The following IMMP1L variants were observed in gnomAD, a reference collection of about 807,000 sequenced individuals.
IMMP1L encodes the protein inner mitochondrial membrane peptidase subunit 1, also known as mitochondrial inner membrane protease subunit 1.
In IMMP1L, 24 loss-of-function variants were observed where a neutral mutation model predicts 21.8. The observed-to-expected ratio is 1.10, with a 90% confidence interval of 0.80 to 1.55. The LOEUF is 1.55. Among genes scored for constraint, IMMP1L ranks in the 40% most tolerant of loss-of-function variants. The pLI is 0.00. For missense variants in IMMP1L, 195 were observed against 200.7 expected (o/e 0.97, Z 0.17); for synonymous variants, 46 against 62.8 (o/e 0.73, Z 1.26).
chr11:31,460,178 T>A (rs951141118), intron 3 of IMMP1L, among the ~76,000 whole-genome samples: 6 of 151,860 alleles, frequency 4.0e-5, no homozygotes, highest in African/African-American at 9.7e-5. Flanking sequence ...TCAGAAAATT[T>A]AAAAAAATAA....
intron 4 of IMMP1L, among the ~76,000 whole-genome samples, chr11:31,436,353 C>G (rs181061447): frequency 6.6e-6 from 1 of 152,272 alleles, no homozygotes; most frequent in Admixed American, 6.5e-5. Flanking sequence ...TTTGAAAGCA[C>G]AATGATAACT....
chr11:31,497,391 T>A (rs903080979), intron 1 of IMMP1L, among the ~76,000 whole-genome samples: 3 of 151,900 alleles, frequency 2.0e-5, no homozygotes, highest in African/African-American at 7.3e-5. Flanking sequence ...GAGAGTAGAA[T>A]ACAGGTTATT....
At chr11:31,487,692 C>G (rs1009205665) in intron 1 of IMMP1L, among the ~76,000 whole-genome samples, 8 of 152,030 alleles carry the variant, frequency 5.3e-5, no homozygotes, top group African/African-American at 1.7e-4. Flanking sequence ...GAAATTATTA[C>G]AGAACATTTA....
intron 4 of IMMP1L, among the ~76,000 whole-genome samples, chr11:31,453,905 G>A (rs1271368608): frequency 1.3e-5 from 2 of 152,096 alleles, no homozygotes; most frequent in Non-Finnish European, 2.9e-5. Flanking sequence ...AAGTAGTAGT[G>A]GCATCGTGAG....
chr11:31,502,920 C>T (rs1366787269), intron 1 of IMMP1L, among the ~76,000 whole-genome samples: 1 of 152,192 alleles, frequency 6.6e-6, no homozygotes, highest in Admixed American at 6.5e-5. Flanking sequence ...GACAGATTTA[C>T]TTGACAAATC....
chr11:31,441,566 A>G (rs1451405839), intron 4 of IMMP1L, among the ~76,000 whole-genome samples: 2 of 152,124 alleles, frequency 1.3e-5, no homozygotes, highest in Non-Finnish European at 2.9e-5. Context: ...CTTTCCTGAT[A>G]TGGAATGAGG....
At chr11:31,489,971 A>G (rs1007459588) in intron 1 of IMMP1L, among the ~76,000 whole-genome samples, 2 of 152,208 alleles carry the variant, frequency 1.3e-5, no homozygotes, top group Admixed American at 1.3e-4. Context: ...ATGTTTTTAA[A>G]TTCGATCTTG....
At chr11:31,486,831 A>G (rs1955096008) in intron 1 of IMMP1L, among the ~76,000 whole-genome samples, 1 of 151,996 alleles carries the variant, frequency 6.6e-6, no homozygotes, top group South Asian at 2.1e-4. Context: ...CACGATTCAT[A>G]AAGATTAAAA....
At chr11:31,457,892 AAC>A (rs1954001193) in intron 3 of IMMP1L, among the ~76,000 whole-genome samples, 1 of 152,220 alleles carries the variant, frequency 6.6e-6, no homozygotes, top group African/African-American at 2.4e-5. Flanking sequence ...ATTTGGAGGC[AAC>A]ACAGTGTTGC....
intron 1 of IMMP1L, among the ~76,000 whole-genome samples, chr11:31,472,740 AAAG>A (rs1401458249): frequency 6.6e-6 from 1 of 152,250 alleles, no homozygotes; most frequent in Non-Finnish European, 1.5e-5. Flanking sequence ...TCATACAGCA[AAAG>A]AAGTATAGGA....
At chr11:31,488,686 A>AT (rs1477859688) in intron 1 of IMMP1L, among the ~76,000 whole-genome samples, 1 of 152,090 alleles carries the variant, frequency 6.6e-6, no homozygotes, top group Admixed American at 6.5e-5. Flanking sequence ...TACTAGTGAT[A>AT]TAAGACTAAA....
chr11:31,498,772 C>A (rs1381809323), intron 1 of IMMP1L, among the ~76,000 whole-genome samples: 1 of 152,172 alleles, frequency 6.6e-6, no homozygotes, highest in East Asian at 1.9e-4. Context: ...GAACAAGTTA[C>A]TTATCCTTTA....
chr11:31,492,612 A>AT (rs1265877109), intron 1 of IMMP1L, among the ~76,000 whole-genome samples: 1 of 152,176 alleles, frequency 6.6e-6, no homozygotes, highest in Non-Finnish European at 1.5e-5. Flanking sequence ...TAAAGTGACA[A>AT]ATATGCCATG....
At chr11:31,466,616 T>C (rs1954361390) in intron 1 of IMMP1L, among the ~76,000 whole-genome samples, 1 of 152,120 alleles carries the variant, frequency 6.6e-6, no homozygotes, top group Non-Finnish European at 1.5e-5. Flanking sequence ...GCAACATGAA[T>C]GACCCTGGGG....
intron 1 of IMMP1L, among the ~76,000 whole-genome samples, chr11:31,471,080 T>C (rs777283129): frequency 4.6e-5 from 7 of 152,206 alleles, no homozygotes; most frequent in Non-Finnish European, 8.8e-5. Context: ...TTAACAATAA[T>C]TTAGTGCATA....
At chr11:31,452,652 A>G (rs1045138941) in intron 4 of IMMP1L, 27 of 983,936 alleles carry the variant, frequency 2.7e-5, no homozygotes, top group South Asian at 1.9e-4. Context: ...AATTAATCTC[A>G]TATCTTTACA....
intron 3 of IMMP1L, among the ~76,000 whole-genome samples, chr11:31,458,906 T>C (rs889495218): frequency 6.6e-6 from 1 of 152,160 alleles, no homozygotes; most frequent in South Asian, 2.1e-4. Flanking sequence ...TCAAAAACTA[T>C]TCAGCCAACA....
chr11:31,448,075 G>A (rs774748027), intron 4 of IMMP1L, among the ~76,000 whole-genome samples: 43 of 152,062 alleles, frequency 2.8e-4, no homozygotes, highest in African/African-American at 9.7e-4. Context: ...TTGGGAGGCC[G>A]AAGCAGGCAG....
intron 1 of IMMP1L, chr11:31,477,387 A>C (rs1418035153): frequency 3.9e-6 from 1 of 254,124 alleles, no homozygotes; most frequent in Non-Finnish European, 6.2e-6. Flanking sequence ...TAGCTTAATA[A>C]ATTTTGAATC....
Sources: allele counts gnomAD v4.1 joint callset (sites outside exome capture counted in the v4.1 genomes callset), GRCh38; gene constraint gnomAD v4.1.1; transcripts MANE v1.5; gene names NCBI Gene and HGNC (gene_info 2026-07-23, HGNC 2026-07-21).